Variants in HAPLN3 observed in about 807,000 individuals in gnomAD.
HAPLN3 encodes hyaluronan and proteoglycan link protein 3.
HAPLN3 carries 28 observed loss-of-function variants against 28.1 expected under a neutral mutation model. The ratio of observed to expected loss-of-function variants is 1.00; its 90% CI spans 0.74 to 1.37. The LOEUF (loss-of-function observed/expected upper bound fraction) is 1.37. Ranked by LOEUF, HAPLN3 falls within the 40% of genes most tolerant of loss-of-function variation. The probability of loss-of-function intolerance (pLI) is 0.00; values close to 1 mark genes in which losing one functional copy is unlikely to be tolerated. For synonymous variants in HAPLN3, 211 were observed against 213.1 expected, an observed-to-expected ratio of 0.99 and a Z score of 0.09; for missense variants, 513 against 504.6, an observed-to-expected ratio of 1.02 and a Z score of -0.16.
intron 1 of HAPLN3, among the ~76,000 whole-genome samples, chr15:88,893,928 C>CAAA (rs10706089): frequency 9.4e-6 from 1 of 106,242 alleles, no homozygotes; most frequent in Non-Finnish European, 1.9e-5. Flanking sequence ...GACTCCATCT[C>CAAA]AAAAAAAAAA....
chr15:88,882,594 A>G (rs1897736417), intron 2 of HAPLN3, among the ~76,000 whole-genome samples: 2 of 152,246 alleles, frequency 1.3e-5, no homozygotes, highest in Non-Finnish European at 2.9e-5. Flanking sequence ...AACATGCAAC[A>G]AAAGAATCAA....
At chr15:88,878,851 C>T in intron 4 of HAPLN3, 116 bp downstream of exon 4, 1 of 1,146,484 alleles carries the variant, frequency 8.7e-7, no homozygotes, top group Non-Finnish European at 1.2e-6. Flanking sequence ...TCTTGGCCTC[C>T]AGGTGGCAGT....
chr15:88,879,060 C>T lies in HAPLN3; in HGVS notation c.703G>A (p.Gly235Ser). ...CGCACGCCAGGTGCCAGGCCCGGGCCACCGCAGGGCTGCCGGGGCAACATG... is the reference window on the plus strand; with the variant it reads ...CGCACGCCAGGTGCCAGGCCCGGGCTACCGCAGGGCTGCCGGGGCAACATG... ...PIMLPRQPCG[G>S]PGLAPGVRSY... Residue 235 changes from glycine to serine, a missense_variant, in exon 4 of 5, where the codon GGC (glycine) becomes AGC (serine). Coordinates refer to ENST00000359595, the MANE Select transcript of HAPLN3 (RefSeq NM_178232.4). This position sits in a 1 kb window ranked among gnomAD's most constrained non-coding sequence, Gnocchi z 5.0. The T allele has an allele frequency of 6.2e-7, 1 of 1,606,086 alleles. No individual in the cohort carries two copies. The highest frequency in any genetic ancestry group is 8.5e-7 in the Non-Finnish European group (1 of 1,176,594).
rs773863611 is a variant in HAPLN3 at position 88,881,595 on chromosome 15, AC to A, written c.254del (p.Arg85LeufsTer23). 3.7e-6 allele frequency: 6 copies of A among 1,613,938 alleles called. No homozygotes were observed. In the South Asian group the frequency reaches 6.6e-5, roughly 18 times the overall value. ...TCTCCGACAGCTTCCACCATTTGACACGCACACGCCGCGGGGAGACCAGGGC... is the reference window on the plus strand; with the variant it reads ...TCTCCGACAGCTTCCACCATTTGACAGCACACGCCGCGGGGAGACCAGGGC... ...EPALVSPRRV[R>X]VKWWKLSENG... On this transcript the variant is annotated frameshift_variant, in exon 3 of 5. Coordinates refer to ENST00000359595, the MANE Select transcript of HAPLN3 (RefSeq NM_178232.4). LOFTEE classifies it high-confidence loss of function. This position sits in a 1 kb window ranked among gnomAD's most constrained non-coding sequence, Gnocchi z 6.0.
At chr15:88,891,337 C>T (rs551856465) in intron 1 of HAPLN3, among the ~76,000 whole-genome samples, 1 of 152,206 alleles carries the variant, frequency 6.6e-6, no homozygotes, top group East Asian at 1.9e-4. Flanking sequence ...CACTCTGTCG[C>T]CCAGGCTGGA....
At position 88,881,660 on chromosome 15, in the gene HAPLN3, C is replaced by A. The variant is rs750275528; in HGVS notation, c.190G>T (p.Ala64Ser). 1.2e-6 allele frequency: 2 copies of A among 1,613,604 alleles called. No homozygotes were observed. The highest frequency in any genetic ancestry group is 3.3e-5 in the Admixed American group (2 of 59,996). Reference sequence around the variant, plus strand: ...TAGCGGCAGGGCAGGATCACACTGGCCCCTTGGTAGGTGAACAGGGTCTCC... The same window carrying A: ...TAGCGGCAGGGCAGGATCACACTGGACCCTTGGTAGGTGAACAGGGTCTCC... Reference protein sequence around the residue: ...PEETLFTYQGASVILPCRYRY... With the variant: ...PEETLFTYQGSSVILPCRYRY... The change falls in exon 3 of 5, where the codon GCC becomes TCC. Residue 64 changes from alanine (A) to serine (S), a missense_variant. Ala to Ser is a moderately conservative substitution (Grantham distance 99, BLOSUM62 1). Coordinates refer to ENST00000359595, the MANE Select transcript of HAPLN3 (RefSeq NM_178232.4). This position sits in a 1 kb window ranked among gnomAD's most constrained non-coding sequence, Gnocchi z 6.0.
chr15:88,892,435 C>T (rs551294290), intron 1 of HAPLN3, among the ~76,000 whole-genome samples: 3 of 151,596 alleles, frequency 2.0e-5, no homozygotes, highest in South Asian at 2.1e-4. Context: ...CCAGCCTGGG[C>T]GACAGAGTGA....
At position 88,877,991 on chromosome 15, in the gene HAPLN3, AAC is replaced by A; in HGVS notation, c.1060_1061del (p.Val354LeufsTer181). 1 of 1,610,622 alleles carries A rather than the reference AAC, an allele frequency of 6.2e-7. No individual in the cohort carries two copies. Among genetic ancestry groups the A allele is most frequent in the Non-Finnish European group, 8.5e-7 (1 of 1,178,214 alleles). On this transcript the variant is annotated frameshift_variant, in exon 5 of 5. Transcript: ENST00000359595. LOFTEE classifies it high-confidence loss of function. The surrounding 1 kb of genome is among the most constrained non-coding windows in gnomAD (Gnocchi z 5.1). ...FPDPQSRLYG[V>X]YCYRQH The stretch of plus-strand genomic sequence containing the variant: ...GGTCCTAGTGCTGGCGGTAGCAGTA[AAC>A]ACCGTACAAGCGGCTCTGCGGGTCG...
In HAPLN3 at chr15:88,881,581, T is replaced by G. The variant is rs145709529; in HGVS notation, c.269A>C (p.Lys90Thr). Residue 90 changes from lysine (K) to threonine (T), a missense_variant, in exon 3 of 5, where the codon AAG becomes ACG. Coordinates refer to ENST00000359595, the MANE Select transcript of HAPLN3 (RefSeq NM_178232.4). The surrounding 1 kb of genome is among the most constrained non-coding windows in gnomAD (Gnocchi z 6.0). ...CTCTGGGGCCCCGTTCTCCGACAGCTTCCACCATTTGACACGCACACGCCG... is the reference window on the plus strand; with the variant it reads ...CTCTGGGGCCCCGTTCTCCGACAGCGTCCACCATTTGACACGCACACGCCG... ...SPRRVRVKWW[K>T]LSENGAPEKD... 8.1e-5 allele frequency: 131 copies of G among 1,613,970 alleles called. No individual in the cohort carries two copies. The highest frequency in any genetic ancestry group is 1.1e-4 in the Non-Finnish European group (129 of 1,180,050).
chr15:88,890,519 G>A (rs1031249453), intron 1 of HAPLN3, among the ~76,000 whole-genome samples: 8 of 152,134 alleles, frequency 5.3e-5, no homozygotes, highest in Admixed American at 1.3e-4. Flanking sequence ...TATATTTCTC[G>A]CCAATGCATT....
chr15:88,887,270 A>G lies in HAPLN3; in HGVS notation c.29T>C (p.Leu10Pro), dbSNP rs757739645. 2.5e-6 allele frequency: 4 copies of G among 1,614,158 alleles called. No homozygotes were observed. Among genetic ancestry groups the G allele is most frequent in the Non-Finnish European group, 3.4e-6 (4 of 1,179,994 alleles). The change falls in exon 2 of 5, where the codon CTC becomes CCC. Residue 10 changes from leucine to proline, a missense_variant. By Grantham distance (98) the Leu-to-Pro change is moderately conservative (BLOSUM62 -3). Coordinates refer to ENST00000359595, the MANE Select transcript of HAPLN3 (RefSeq NM_178232.4). MGLLLLVPLLLLPGSYGLPF... is the reference protein window; with the variant it reads MGLLLLVPLPLLPGSYGLPF... Reference sequence around the variant, plus strand: ...CAGTCCGTAGGAGCCGGGCAGCAGGAGCAACGGGACCAGGAGCAACAGGCC... The same window carrying G: ...CAGTCCGTAGGAGCCGGGCAGCAGGGGCAACGGGACCAGGAGCAACAGGCC...
Position 88,881,697 on chromosome 15 carries a change from C to T in HAPLN3, c.153G>A (p.Val51=). The part of the protein sequence containing the change: ...KDLLNGVKLV[V]ETPEETLFTY... Reference sequence around the variant, plus strand: ...TGAACAGGGTCTCCTCGGGTGTCTCCACCACCAGCTTCACTCCATTAAGGA... The same window carrying T: ...TGAACAGGGTCTCCTCGGGTGTCTCTACCACCAGCTTCACTCCATTAAGGA... The change falls in exon 3 of 5, where the codon GTG becomes GTA. Residue 51 remains valine (V), a synonymous_variant. Coordinates refer to ENST00000359595, the MANE Select transcript of HAPLN3 (RefSeq NM_178232.4). This position sits in a 1 kb window ranked among gnomAD's most constrained non-coding sequence, Gnocchi z 6.0. 1 of 1,613,256 alleles carries T rather than the reference C, an allele frequency of 6.2e-7. No individual in the cohort carries two copies. The highest frequency in any genetic ancestry group is 8.5e-7 in the Non-Finnish European group (1 of 1,179,690).
In HAPLN3 at chr15:88,879,742, G is replaced by C; in HGVS notation, c.494-473C>G. On this transcript the variant is annotated intron_variant, in intron 3 of 4. Transcript: ENST00000359595. This position sits in a 1 kb window ranked among gnomAD's most constrained non-coding sequence, Gnocchi z 5.0. ...TGTGGCAGATGATTTTCAGGAGAAG[G>C]AGAGGCCCTAGAGGCCGTGGGGAGA... 1 of 1,175,850 alleles carries C rather than the reference G, an allele frequency of 8.5e-7. No individual in the cohort carries two copies. The highest frequency in any genetic ancestry group is 1.1e-6 in the Non-Finnish European group (1 of 935,920). The allele number at this position is 1,175,850 out of a possible 1,614,324, so 72.8% of individuals were successfully genotyped here. A position where few individuals can be genotyped will look rare whatever the true frequency, so the allele number is the denominator to read the frequency against.
chr15:88,881,761 G>A lies in HAPLN3; in HGVS notation c.125-36C>T, dbSNP rs2141659949. ...AGACAGGGTGCAGATGAGACCTGCT[G>A]AAGCACATCTGTACCCCTGCAAGGG... On this transcript the variant is annotated intron_variant, in intron 2 of 4. Transcript: ENST00000359595. The surrounding 1 kb of genome is among the most constrained non-coding windows in gnomAD (Gnocchi z 6.0). 6.3e-7 allele frequency: 1 copy of A among 1,577,580 alleles called. No individual in the cohort carries two copies. The highest frequency in any genetic ancestry group is 1.2e-5 in the South Asian group (1 of 85,358).
rs748908793 is a variant in HAPLN3 at position 88,879,062 on chromosome 15, C to T, written c.701G>A (p.Gly234Asp). 1.2e-6 allele frequency: 2 copies of T among 1,606,600 alleles called. No homozygotes were observed. Among genetic ancestry groups the T allele is most frequent in the South Asian group, 1.1e-5 (1 of 90,228 alleles). Residue 234 changes from glycine (G) to aspartate (D), a missense_variant, in exon 4 of 5, where the codon GGT (glycine) becomes GAT (aspartate). Transcript: ENST00000359595. The surrounding 1 kb of genome is among the most constrained non-coding windows in gnomAD (Gnocchi z 5.0). Reference protein sequence around the residue: ...YPIMLPRQPCGGPGLAPGVRS... With the variant: ...YPIMLPRQPCDGPGLAPGVRS... ...CACGCCAGGTGCCAGGCCCGGGCCA[C>T]CGCAGGGCTGCCGGGGCAACATGAT...
At chr15:88,891,225 T>A (rs1372975661) in intron 1 of HAPLN3, among the ~76,000 whole-genome samples, 1 of 152,014 alleles carries the variant, frequency 6.6e-6, no homozygotes, top group African/African-American at 2.4e-5. Flanking sequence ...TCCTAACAAA[T>A]ACACACACCA....
Position 88,881,564 on chromosome 15 carries a change from C to A in HAPLN3, c.286G>T (p.Ala96Ser). 6.2e-7 allele frequency: 1 copy of A among 1,614,100 alleles called. No individual in the cohort carries two copies. Among genetic ancestry groups the A allele is most frequent in the Non-Finnish European group, 8.5e-7 (1 of 1,180,044 alleles). ...GCCACCAGCACGTCCTTCTCTGGGGCCCCGTTCTCCGACAGCTTCCACCAT... is the reference window on the plus strand; with the variant it reads ...GCCACCAGCACGTCCTTCTCTGGGGACCCGTTCTCCGACAGCTTCCACCAT... The part of the protein sequence containing the change: ...VKWWKLSENG[A>S]PEKDVLVAIG... Residue 96 changes from alanine (A) to serine (S), a missense_variant, in exon 3 of 5, where the codon GCC (alanine) becomes TCC (serine). By Grantham distance (99) the Ala-to-Ser change is moderately conservative. Coordinates refer to ENST00000359595, the MANE Select transcript of HAPLN3 (RefSeq NM_178232.4). The surrounding 1 kb of genome is among the most constrained non-coding windows in gnomAD (Gnocchi z 6.0).
rs112310262 is a variant in HAPLN3, at chr15:88,878,775, T to C, written c.796+192A>G. Among the ~76,000 whole-genome samples the C allele has an allele frequency of 1.3e-4, 20 of 152,354 alleles. 1 individual carries two copies. Among genetic ancestry groups the C allele is most frequent in the African/African-American group, 4.8e-4 (20 of 41,582 alleles). On this transcript the variant is annotated intron_variant, in intron 4 of 4. Transcript: ENST00000359595. ...ATGAAGAAACCAATGATTTATGCCC[T>C]GCATAACGCAGCAGCAGCAAAGCAC... is the stretch of plus-strand genomic sequence containing the variant.
chr15:88,884,814 AGAG>A (rs1458478643), intron 2 of HAPLN3, among the ~76,000 whole-genome samples: 8 of 151,892 alleles, frequency 5.3e-5, no homozygotes, highest in Non-Finnish European at 4.4e-5. Flanking sequence ...TGCATATAAA[AGAG>A]GAGAAGACCA....
Sources: allele counts gnomAD v4.1 joint callset (sites outside exome capture counted in the v4.1 genomes callset), GRCh38; gene constraint gnomAD v4.1.1; non-coding constraint Gnocchi (gnomAD v3.1); transcripts MANE v1.5; gene names NCBI Gene and HGNC (gene_info 2026-07-23, HGNC 2026-07-21).